CACNA2D3: variants seen among roughly 807,000 people sequenced by gnomAD.
CACNA2D3 encodes calcium voltage-gated channel auxiliary subunit alpha2delta 3, also known as voltage-dependent calcium channel subunit alpha-2/delta-3.
In CACNA2D3, 60 loss-of-function variants were observed where a neutral mutation model predicts 160.6. The observed-to-expected ratio is 0.37, with a 90% CI of 0.30 to 0.46. The LOEUF (loss-of-function observed/expected upper bound fraction) is 0.46, where lower values mean the gene tolerates loss of function less well. Among genes scored for constraint, CACNA2D3 ranks in the 20% least tolerant of loss-of-function variants. The pLI, the probability that CACNA2D3 is intolerant of heterozygous loss-of-function variation, is 1.00. For synonymous variants in CACNA2D3, 558 were observed against 492.9 expected (o/e 1.13, Z -1.75); for missense variants, 1,205 against 1,365.0 (o/e 0.88, Z 1.85).
intron 13 of CACNA2D3, among the ~76,000 whole-genome samples, chr3:54,775,696 A>G (rs1040531612): frequency 1.3e-5 from 2 of 152,122 alleles, no homozygotes; most frequent in Admixed American, 1.3e-4. Flanking sequence ...TAATATGACT[A>G]TTTTATCATA....
At chr3:54,199,466 C>T (rs552733039) in intron 2 of CACNA2D3, among the ~76,000 whole-genome samples, 12 of 152,236 alleles carry the variant, frequency 7.9e-5, no homozygotes, top group South Asian at 4.2e-4. Flanking sequence ...CAGGCTCAAG[C>T]GATCCCCAGC....
At chr3:54,511,253 G>A (rs1322333157) in intron 5 of CACNA2D3, among the ~76,000 whole-genome samples, 1 of 152,178 alleles carries the variant, frequency 6.6e-6, no homozygotes, top group Non-Finnish European at 1.5e-5. Flanking sequence ...CCCGTGTGGG[G>A]GTTTTGTCTC....
intron 2 of CACNA2D3, among the ~76,000 whole-genome samples, chr3:54,221,351 T>G (rs1168179374): frequency 6.6e-6 from 1 of 152,234 alleles, no homozygotes; most frequent in Non-Finnish European, 1.5e-5. Flanking sequence ...CAGCATATTT[T>G]ATGATTATAG....
Position 54,999,084 on chromosome 3 carries a change from A to T in CACNA2D3, c.2691-5679A>T, listed in dbSNP as rs1190423646. Among the ~76,000 whole-genome samples the T allele has an allele frequency of 5.3e-5, 8 of 152,312 alleles. 1 individual carries two copies. Among genetic ancestry groups the T allele is most frequent in the Admixed American group, 5.2e-4 (8 of 15,296 alleles). On this transcript the variant is annotated intron_variant, in intron 31 of 37. Coordinates refer to ENST00000474759, the MANE Select transcript of CACNA2D3 (RefSeq NM_018398.3). ...TAACTAATTTCCAGTTGGAGGGCTCAAAGGCAGTAGGACCAGGGTTTTGTA... is the reference window on the plus strand; with the variant it reads ...TAACTAATTTCCAGTTGGAGGGCTCTAAGGCAGTAGGACCAGGGTTTTGTA...
chr3:54,156,759 A>T (rs1336277155), intron 2 of CACNA2D3, among the ~76,000 whole-genome samples: 1 of 152,200 alleles, frequency 6.6e-6, no homozygotes, highest in Non-Finnish European at 1.5e-5. Context: ...TGAGGGAGCC[A>T]CTTTGGAAGT....
intron 13 of CACNA2D3, among the ~76,000 whole-genome samples, chr3:54,767,516 A>G (rs552810855): frequency 1.3e-5 from 2 of 152,124 alleles, no homozygotes; most frequent in East Asian, 3.9e-4. Context: ...GAAAATCCCA[A>G]CTCTGTCTTT....
intron 10 of CACNA2D3, among the ~76,000 whole-genome samples, chr3:54,636,904 G>T (rs1172943247): frequency 6.6e-6 from 1 of 152,008 alleles, no homozygotes; most frequent in East Asian, 1.9e-4. Flanking sequence ...CAGTGTCAGG[G>T]TGAGTCTAAG....
intron 2 of CACNA2D3, among the ~76,000 whole-genome samples, chr3:54,164,161 C>T (rs990945984): frequency 9.8e-5 from 15 of 152,300 alleles, no homozygotes; most frequent in Middle Eastern, 6.8e-3. Flanking sequence ...GGGAGGAGGA[C>T]GGCTTTCTGT....
intron 27 of CACNA2D3, among the ~76,000 whole-genome samples, chr3:54,952,698 C>T (rs1007429361): frequency 5.9e-5 from 9 of 152,200 alleles, no homozygotes; most frequent in African/African-American, 1.9e-4. Flanking sequence ...TTCTGGTGCC[C>T]GCATAGTTCC....
At chr3:54,602,373 C>CA (rs1703076422) in intron 9 of CACNA2D3, among the ~76,000 whole-genome samples, 2 of 151,952 alleles carry the variant, frequency 1.3e-5, no homozygotes, top group African/African-American at 4.8e-5. Flanking sequence ...TGGCAAGCAC[C>CA]TGTAGTCCCA....
chr3:54,834,222 A>C (rs1698610879), intron 14 of CACNA2D3, among the ~76,000 whole-genome samples: 1 of 152,168 alleles, frequency 6.6e-6, no homozygotes, highest in African/African-American at 2.4e-5. Flanking sequence ...TTCATTTCTC[A>C]TTATTGTCAA....
At chr3:54,291,057 TA>T (rs1703189431) in intron 2 of CACNA2D3, among the ~76,000 whole-genome samples, 1 of 152,054 alleles carries the variant, frequency 6.6e-6, no homozygotes, top group Non-Finnish European at 1.5e-5. Flanking sequence ...TAAAGTATAA[TA>T]AAATAAAATA....
At chr3:54,849,592 G>A (rs1204000840) in intron 17 of CACNA2D3, among the ~76,000 whole-genome samples, 1 of 152,206 alleles carries the variant, frequency 6.6e-6, no homozygotes, top group East Asian at 1.9e-4. Flanking sequence ...GCTAGGAACA[G>A]CCAGCTGCTA....
At chr3:54,960,295 A>G (rs1025786486) in intron 27 of CACNA2D3, among the ~76,000 whole-genome samples, 9 of 152,128 alleles carry the variant, frequency 5.9e-5, no homozygotes, top group Non-Finnish European at 1.3e-4. Context: ...ACAGACATAT[A>G]TCATGGAGTG....
chr3:54,522,769 T>C (rs1417312935), intron 5 of CACNA2D3, among the ~76,000 whole-genome samples: 1 of 152,162 alleles, frequency 6.6e-6, no homozygotes, highest in Non-Finnish European at 1.5e-5. Context: ...ACTATTTTGA[T>C]AATGGCCTTA....
At chr3:54,434,605 C>G (rs963250218) in intron 4 of CACNA2D3, among the ~76,000 whole-genome samples, 1 of 152,186 alleles carries the variant, frequency 6.6e-6, no homozygotes, top group Non-Finnish European at 1.5e-5. Flanking sequence ...CCATCTGATG[C>G]GCAGGCAGCT....
chr3:54,834,272 G>C (rs903680901), intron 14 of CACNA2D3, among the ~76,000 whole-genome samples: 1 of 152,156 alleles, frequency 6.6e-6, no homozygotes, highest in Non-Finnish European at 1.5e-5. Flanking sequence ...TGTTGGCACT[G>C]CTTGAAATTT....
At chr3:54,896,592 GCA>G in intron 25 of CACNA2D3, 155 bp from the exon 26 acceptor site, 1 of 731,140 alleles carries the variant, frequency 1.4e-6, no homozygotes, top group East Asian at 2.5e-5. Flanking sequence ...AATCTGGGGT[GCA>G]CAGTGTTAAG....
intron 2 of CACNA2D3, among the ~76,000 whole-genome samples, chr3:54,208,790 G>C (rs1217137720): frequency 6.6e-6 from 1 of 151,700 alleles, no homozygotes; most frequent in Non-Finnish European, 1.5e-5. Flanking sequence ...TTGAGAATGT[G>C]GTGAGGAGGT....
Sources: allele counts gnomAD v4.1 joint callset (sites outside exome capture counted in the v4.1 genomes callset), GRCh38; gene constraint gnomAD v4.1.1; transcripts MANE v1.5; gene names NCBI Gene and HGNC (gene_info 2026-07-23, HGNC 2026-07-21).